The following PDCD6 variants were observed in gnomAD, a reference collection of about 807,000 sequenced individuals.
The protein encoded by PDCD6 is programmed cell death 6, also known as programmed cell death protein 6.
Under a neutral mutation model 28.3 loss-of-function variants are expected in PDCD6, and 12 were observed. The ratio of observed to expected loss-of-function variants is 0.42; its 90% confidence interval spans 0.27 to 0.69. The LOEUF is 0.69. PDCD6 is among the 30% of genes least tolerant of loss of function. The probability of loss-of-function intolerance (pLI) is 0.22; values close to 1 mark genes in which losing one functional copy is unlikely to be tolerated. For missense variants in PDCD6, 226 were observed against 269.9 expected, an observed-to-expected ratio of 0.84 and a Z score of 1.14; for synonymous variants, 92 against 108.0, an observed-to-expected ratio of 0.85 and a Z score of 0.92.
chr5:311,195 T>C (rs1447201744), intron 4 of PDCD6, 98 bp from the exon 5 acceptor site: 1 of 845,304 alleles, frequency 1.2e-6, no homozygotes, highest in East Asian at 2.6e-5. Flanking sequence ...TTGCATTGTG[T>C]GTGTTAGAGG....
At chr5:311,255 C>G (rs779088571) in intron 4 of PDCD6, 38 bp from the exon 5 acceptor site, 1 of 1,520,474 alleles carries the variant, frequency 6.6e-7, no homozygotes, top group South Asian at 1.1e-5. Context: ...CCTCCCGTCT[C>G]TCCCAGCCTT....
chr5:277,422 C>T (rs1192886654), intron 2 of PDCD6, among the ~76,000 whole-genome samples: 4 of 151,796 alleles, frequency 2.6e-5, no homozygotes, highest in Non-Finnish European at 5.9e-5. Flanking sequence ...CTGCCTCAGC[C>T]TCCCGAGTAG....
chr5:301,485 A>G (rs1465071457), intron 2 of PDCD6, among the ~76,000 whole-genome samples: 1 of 152,232 alleles, frequency 6.6e-6, no homozygotes, highest in Admixed American at 6.5e-5. Flanking sequence ...GAATACCTCT[A>G]TATACATATA....
chr5:301,217 G>T (rs944039199), intron 2 of PDCD6, among the ~76,000 whole-genome samples: 1 of 152,194 alleles, frequency 6.6e-6, no homozygotes, highest in Non-Finnish European at 1.5e-5. Context: ...CATGAAGACA[G>T]AGGATTGATT....
intron 2 of PDCD6, among the ~76,000 whole-genome samples, chr5:296,468 G>A (rs968549343): frequency 3.3e-5 from 5 of 152,208 alleles, no homozygotes; most frequent in South Asian, 4.1e-4. Context: ...CCAAATGCTC[G>A]TTCACTGCAG....
intron 2 of PDCD6, among the ~76,000 whole-genome samples, chr5:291,514 A>G (rs1313327590): frequency 6.9e-6 from 1 of 143,906 alleles, no homozygotes; most frequent in Non-Finnish European, 1.5e-5. Context: ...TCTCCCTGAG[A>G]CCCACCCACA....
At chr5:304,346 G>A in intron 3 of PDCD6, 125 bp downstream of exon 3, 1 of 1,175,296 alleles carries the variant, frequency 8.5e-7, no homozygotes, top group Non-Finnish European at 1.2e-6. Flanking sequence ...ACTTAGATGA[G>A]CGTCGGCCCT....
intron 2 of PDCD6, among the ~76,000 whole-genome samples, chr5:302,379 G>A (rs1168906308): frequency 7.6e-6 from 1 of 131,322 alleles, no homozygotes; most frequent in East Asian, 2.2e-4. Context: ...TGGAGGGTGG[G>A]TCGTGGAGTG....
At chr5:295,049 G>A (rs1318304627) in intron 2 of PDCD6, among the ~76,000 whole-genome samples, 11 of 152,142 alleles carry the variant, frequency 7.2e-5, no homozygotes, top group African/African-American at 2.4e-4. Context: ...TCTCTGGGGC[G>A]GTGGCGTGAG....
rs554337693 is a variant in PDCD6 at position 307,102 on chromosome 5, A to G, written c.367+342A>G. On this transcript the variant is annotated intron_variant, in intron 4 of 5. Transcript: ENST00000264933. This position sits in a 1 kb window ranked among gnomAD's most constrained non-coding sequence, Gnocchi z 6.1. ...CGTGGGGCAGGGCAGCTTATATTTC[A>G]TGATAGATCAAAGCACGTTGAAAAG... Among the ~76,000 whole-genome samples the G allele has an allele frequency of 8.5e-5, 13 of 152,312 alleles. No individual in the cohort carries two copies. Among genetic ancestry groups the G allele is most frequent in the African/African-American group, 3.1e-4 (13 of 41,566 alleles).
rs777939841 is a variant in PDCD6, at chr5:271,748, C to G, written c.28C>G (p.Pro10Ala). The G allele has an allele frequency of 8.5e-7, 1 of 1,180,894 alleles. No individual in the cohort carries two copies. The highest frequency in any genetic ancestry group is 1.9e-5 in the African/African-American group (1 of 53,252). The allele number at this position is 1,180,894 out of a possible 1,614,324, so 73.2% of individuals were successfully genotyped here. A position where few individuals can be genotyped will look rare whatever the true frequency, so the allele number is the denominator to read the frequency against. ...GGCCGCCTACTCTTACCGCCCCGGCCCTGGGGCCGGCCCTGGGCCTGCTGC... is the reference window on the plus strand; with the variant it reads ...GGCCGCCTACTCTTACCGCCCCGGCGCTGGGGCCGGCCCTGGGCCTGCTGC... MAAYSYRPG[P>A]GAGPGPAAGA... Residue 10 changes from proline (P) to alanine (A), a missense_variant, in exon 1 of 6, where the codon CCT becomes GCT. Coordinates refer to ENST00000264933, the MANE Select transcript of PDCD6 (RefSeq NM_013232.4).
At position 314,080 on chromosome 5, in the gene PDCD6, G is replaced by T. The variant is rs185905822; in HGVS notation, c.478-337G>T. ...CACAGCAGAGGCGAGCCACTGGAGG[G>T]TGGAGGGCTTCCACGGGACGGTCTT... On this transcript the variant is annotated intron_variant, in intron 5 of 5. Transcript: ENST00000264933. 7.8e-3 allele frequency among the ~76,000 whole-genome samples: 1,190 copies of T among 152,356 alleles called. 22 individuals carry two copies. Among genetic ancestry groups the T allele is most frequent in the African/African-American group, 0.027 (1,125 of 41,582 alleles).
intron 2 of PDCD6, among the ~76,000 whole-genome samples, chr5:302,323 G>A (rs888861594): frequency 6.9e-6 from 1 of 145,854 alleles, no homozygotes; most frequent in Non-Finnish European, 1.5e-5. Flanking sequence ...TCAGGTTCAG[G>A]TGCACCTGCC....
At chr5:302,806 G>T (rs991751943) in intron 2 of PDCD6, among the ~76,000 whole-genome samples, 8 of 146,556 alleles carry the variant, frequency 5.5e-5, no homozygotes, top group Non-Finnish European at 1.2e-4. Context: ...TGGGCCACAG[G>T]TTCAGGTGCA....
At chr5:303,932 T>C (rs1317331628) in intron 2 of PDCD6, among the ~76,000 whole-genome samples, 4 of 151,678 alleles carry the variant, frequency 2.6e-5, no homozygotes, top group Non-Finnish European at 5.9e-5. Flanking sequence ...GCGATGACTG[T>C]GGACGGCCTT....
At chr5:284,817 G>A (rs1738833916) in intron 2 of PDCD6, among the ~76,000 whole-genome samples, 1 of 150,942 alleles carries the variant, frequency 6.6e-6, no homozygotes, top group Non-Finnish European at 1.5e-5. Flanking sequence ...CCATACAACT[G>A]GAGACCCGGG....
intron 2 of PDCD6, chr5:289,527 G>A (rs6555127): frequency 0.44 from 320,147 of 730,134 alleles, 74,981 homozygotes; most frequent in South Asian, 0.5. Flanking sequence ...AAGAAATTTC[G>A]CTGCAAGTCG....
chr5:299,990 T>C (rs562197903), intron 2 of PDCD6, among the ~76,000 whole-genome samples: 87 of 152,294 alleles, frequency 5.7e-4, no homozygotes, highest in South Asian at 4.4e-3. Flanking sequence ...ACTGTCCTTC[T>C]CTCACATGGG....
intron 4 of PDCD6, chr5:310,476 GCCT>G (rs1169159178): frequency 2.0e-5 from 3 of 152,304 alleles, no homozygotes; most frequent in African/African-American, 7.2e-5. Flanking sequence ...CCTGGATCTT[GCCT>G]CCTGAGTCAG....
Sources: gnomAD v4.1 joint callset for allele counts (sites outside exome capture counted in the v4.1 genomes callset) on GRCh38, gnomAD v4.1.1 for gene constraint, Gnocchi (gnomAD v3.1) non-coding constraint, MANE v1.5 for transcripts, NCBI Gene and HGNC (gene_info 2026-07-23, HGNC 2026-07-21) for gene names.